Variants in CABP1 observed in about 807,000 individuals in gnomAD.
CABP1 encodes calcium binding protein 1, also known as calcium-binding protein 1.
CABP1 carries 17 observed loss-of-function variants against 34.3 expected under a neutral mutation model. The observed-to-expected ratio is 0.50, with a 90% confidence interval of 0.34 to 0.74. CABP1 has a LOEUF of 0.74. Among genes scored for constraint, CABP1 ranks in the 30% least tolerant of loss-of-function variants. The pLI is 0.01. For synonymous variants in CABP1, 198 were observed against 229.2 expected (o/e 0.86, Z 1.23); for missense variants, 373 against 511.1 (o/e 0.73, Z 2.61).
chr12:120,664,030 C>T (rs958354979), intron 5 of CABP1, among the ~76,000 whole-genome samples: 2 of 152,188 alleles, frequency 1.3e-5, no homozygotes, highest in Admixed American at 6.5e-5. Context: ...GGCCAGGGAG[C>T]GTGGATAGTT....
chr12:120,674,847 C>T, the CABP1 span, among the ~76,000 whole-genome samples: 29 of 151,340 alleles, frequency 1.9e-4, no homozygotes, highest in East Asian at 4.9e-3. Flanking sequence ...GCCAAGATCC[C>T]GCCACTGTGC....
Position 120,660,790 on chromosome 12 carries a change from G to A in CABP1, c.889G>A (p.Glu297Lys). The A allele has an allele frequency of 6.2e-7, 1 of 1,614,120 alleles. No individual in the cohort carries two copies. The highest frequency in any genetic ancestry group is 8.5e-7 in the Non-Finnish European group (1 of 1,179,978). The change falls in exon 4 of 6, where the codon GAG becomes AAG. Residue 297 changes from glutamate to lysine, a missense_variant. Around this residue, in one of 4 missense-constraint regions of CABP1, gnomAD observed 109 missense variants for 204.8 expected, o/e 0.53. Coordinates refer to ENST00000316803, the MANE Select transcript of CABP1 (RefSeq NM_001033677.2). This position sits in a 1 kb window ranked among gnomAD's most constrained non-coding sequence, Gnocchi z 5.0. ...VELMGPKLLAETADMIGVKEL... is the reference protein window; with the variant it reads ...VELMGPKLLAKTADMIGVKEL... The stretch of plus-strand genomic sequence containing the variant: ...GCTAATGGGGCCTAAACTCCTGGCA[G>A]AGACAGCAGATATGATTGGTGTAAA...
At chr12:120,656,661 C>T (rs1399799458) in intron 1 of CABP1, among the ~76,000 whole-genome samples, 5 of 152,158 alleles carry the variant, frequency 3.3e-5, no homozygotes, top group Admixed American at 6.5e-5. Context: ...TTTGGGAGGC[C>T]GAGGTAGGTG....
chr12:120,648,649 G>A (rs1879660827), intron 1 of CABP1, among the ~76,000 whole-genome samples: 1 of 152,080 alleles, frequency 6.6e-6, no homozygotes, highest in South Asian at 2.1e-4. Flanking sequence ...GGGAGGCCAA[G>A]GCAGGTGGAT....
Position 120,660,699 on chromosome 12 carries a change from G to T in CABP1, c.830-32G>T. On this transcript the variant is annotated intron_variant, in intron 3 of 5. Transcript: ENST00000316803. The surrounding 1 kb of genome is among the most constrained non-coding windows in gnomAD (Gnocchi z 5.0). The stretch of plus-strand genomic sequence containing the variant: ...GTTGGAGACAGGGAATGGGTATGTC[G>T]GGGATGACCTAGCCCTTTCCTCCTT... 1 of 1,449,082 alleles carries T rather than the reference G, an allele frequency of 6.9e-7. No homozygotes were observed. Among genetic ancestry groups the T allele is most frequent in the Non-Finnish European group, 9.7e-7 (1 of 1,029,524 alleles). The allele number at this position is 1,449,082 out of a possible 1,614,324, so 89.8% of individuals were successfully genotyped here.
Position 120,667,190 on chromosome 12 carries a change from G to C in CABP1, c.*290G>C. The stretch of plus-strand genomic sequence containing the variant: ...TGTGCCCAGCTGCTGCTGGCTGGGT[G>C]GGCCAGGGAGCCCGCCAGCAGACCC... On this transcript the variant is annotated 3_prime_UTR_variant, in exon 6 of 6. Coordinates refer to ENST00000316803, the MANE Select transcript of CABP1 (RefSeq NM_001033677.2). The C allele has an allele frequency of 1.8e-6, 1 of 548,690 alleles. No homozygotes were observed. Among genetic ancestry groups the C allele is most frequent in the South Asian group, 2.2e-5 (1 of 45,696 alleles). 34.0% of individuals were successfully genotyped at this position (548,690 alleles called of 1,614,324 possible). A position where few individuals can be genotyped will look rare whatever the true frequency, so the allele number is the denominator to read the frequency against.
chr12:120,660,058 A>C lies in CABP1; in HGVS notation c.686-138A>C, dbSNP rs1441724701. On this transcript the variant is annotated intron_variant, in intron 2 of 5. Coordinates refer to ENST00000316803, the MANE Select transcript of CABP1 (RefSeq NM_001033677.2). The surrounding 1 kb of genome is among the most constrained non-coding windows in gnomAD (Gnocchi z 5.0). Reference sequence around the variant, plus strand: ...ACCAGCTGCTGAAGGTGTGCACAGGAGGCAAGAGAAATGCCCCAGCATCCT... The same window carrying C: ...ACCAGCTGCTGAAGGTGTGCACAGGCGGCAAGAGAAATGCCCCAGCATCCT... The C allele has an allele frequency of 6.1e-6, 8 of 1,310,802 alleles. No homozygotes were observed. Among genetic ancestry groups the C allele is most frequent in the African/African-American group, 1.5e-5 (1 of 68,038 alleles). 81.2% of individuals were successfully genotyped at this position (1,310,802 alleles called of 1,614,324 possible).
intron 1 of CABP1, among the ~76,000 whole-genome samples, chr12:120,658,076 C>T (rs1034107434): frequency 6.8e-6 from 1 of 147,622 alleles, no homozygotes; most frequent in Non-Finnish European, 1.5e-5. Flanking sequence ...TTAAGCCAGG[C>T]ACCATCACCA....
Position 120,661,482 on chromosome 12 carries a change from A to C in CABP1, c.1087+264A>C. 2.3e-6 allele frequency: 1 copy of C among 426,176 alleles called. No individual in the cohort carries two copies. The highest frequency in any genetic ancestry group is 4.2e-5 in the Admixed American group (1 of 23,956). The allele number at this position is 426,176 out of a possible 1,614,324, so 26.4% of individuals were successfully genotyped here. On this transcript the variant is annotated intron_variant, in intron 5 of 5. Transcript: ENST00000316803. This position sits in a 1 kb window ranked among gnomAD's most constrained non-coding sequence, Gnocchi z 5.1. ...CATTTATCCATCCATTCATCTACCT[A>C]TCTATCCATCTGTCCACCATCCATC...
downstream of CABP1, among the ~76,000 whole-genome samples, chr12:120,669,375 C>T (rs2137384272): frequency 6.6e-6 from 1 of 152,360 alleles, no homozygotes; most frequent in East Asian, 1.9e-4. Context: ...CCAGAGACTC[C>T]AGAGTTTCAC....
chr12:120,652,427 C>T (rs1313781144), intron 1 of CABP1, among the ~76,000 whole-genome samples: 1 of 151,544 alleles, frequency 6.6e-6, no homozygotes, highest in African/African-American at 2.4e-5. Context: ...CTCTTTTCCG[C>T]TACATAGTTC....
At chr12:120,673,338 G>A in the CABP1 span, among the ~76,000 whole-genome samples, 19 of 151,972 alleles carry the variant, frequency 1.3e-4, no homozygotes, top group African/African-American at 2.9e-4. Flanking sequence ...TAATCCCAGC[G>A]CTTTGGGAGG....
At chr12:120,680,400 G>A in the CABP1 span, among the ~76,000 whole-genome samples, 7 of 152,142 alleles carry the variant, frequency 4.6e-5, no homozygotes, top group Admixed American at 3.9e-4. Flanking sequence ...CCAAATCTTG[G>A]TTCCTGTTAC....
chr12:120,675,011 G>T, the CABP1 span, among the ~76,000 whole-genome samples: 2 of 151,758 alleles, frequency 1.3e-5, no homozygotes, highest in African/African-American at 4.8e-5. Flanking sequence ...ATGTGTGAAG[G>T]GAGTCCCTCA....
intron 1 of CABP1, 98 bp from the exon 2 acceptor site, chr12:120,659,780 A>T: frequency 9.0e-7 from 1 of 1,109,444 alleles, no homozygotes; most frequent in Non-Finnish European, 1.4e-6. Flanking sequence ...GTCACCTCCT[A>T]CCCAGTGCCT....
Position 120,667,044 on chromosome 12 carries a change from C to A in CABP1, c.*144C>A. On this transcript the variant is annotated 3_prime_UTR_variant, in exon 6 of 6. Coordinates refer to ENST00000316803, the MANE Select transcript of CABP1 (RefSeq NM_001033677.2). ...CCTGCACCCCGGGGAGGCGCCCACC[C>A]CGGACCCCCACCCCTCCGCACTGTG... 2 of 949,072 alleles carry A rather than the reference C, an allele frequency of 2.1e-6. No homozygotes were observed. The highest frequency in any genetic ancestry group is 2.6e-5 in the East Asian group (1 of 38,082). 58.8% of individuals were successfully genotyped at this position (949,072 alleles called of 1,614,324 possible).
At chr12:120,675,332 C>A in the CABP1 span, among the ~76,000 whole-genome samples, 1 of 152,148 alleles carries the variant, frequency 6.6e-6, no homozygotes, top group Non-Finnish European at 1.5e-5. Context: ...GGATTACAGG[C>A]GTATGCCACT....
chr12:120,655,810 T>C (rs1880144920), intron 1 of CABP1: 1 of 1,509,562 alleles, frequency 6.6e-7, no homozygotes, highest in Admixed American at 2.0e-5. Flanking sequence ...TGTGCATATG[T>C]ATGTGCCAGT....
At position 120,667,052 on chromosome 12, in the gene CABP1, C is replaced by T; in HGVS notation, c.*152C>T. On this transcript the variant is annotated 3_prime_UTR_variant, in exon 6 of 6. Transcript: ENST00000316803. ...CCGGGGAGGCGCCCACCCCGGACCC[C>T]CACCCCTCCGCACTGTGAAAGACTA... 1.2e-6 allele frequency: 1 copy of T among 867,216 alleles called. No homozygotes were observed. Among genetic ancestry groups the T allele is most frequent in the African/African-American group, 1.7e-5 (1 of 60,224 alleles). 53.7% of individuals were successfully genotyped at this position (867,216 alleles called of 1,614,324 possible).
Sources: gnomAD v4.1 joint callset for allele counts (sites outside exome capture counted in the v4.1 genomes callset) on GRCh38, gnomAD v4.1.1 for gene constraint, gnomAD v4.1.1 regional missense constraint, Gnocchi (gnomAD v3.1) non-coding constraint, MANE v1.5 for transcripts, NCBI Gene and HGNC (gene_info 2026-07-23, HGNC 2026-07-21) for gene names.